The following AFF3 variants were observed in gnomAD, a reference collection of about 807,000 sequenced individuals.
AFF3 encodes the protein AF4/FMR2 family member 3.
Under a neutral mutation model 129.7 loss-of-function variants are expected in AFF3, and 32 were observed. The observed-to-expected ratio is 0.25, with a 90% CI of 0.19 to 0.33. The LOEUF is 0.33. Ranked by LOEUF, AFF3 falls within the 10% of genes least tolerant of loss-of-function variation. The pLI, the probability that AFF3 is intolerant of heterozygous loss-of-function variation, is 1.00. For synonymous variants in AFF3, 644 were observed against 635.4 expected, an observed-to-expected ratio of 1.01 and a Z score of -0.20; for missense variants, 1,373 against 1,592.0, an observed-to-expected ratio of 0.86 and a Z score of 2.34.
chr2:99,686,884 A>G (rs975232509), intron 11 of AFF3, among the ~76,000 whole-genome samples: 2 of 152,238 alleles, frequency 1.3e-5, no homozygotes, highest in African/African-American at 4.8e-5. Flanking sequence ...CTGTTCTGTA[A>G]TAACAGCACA....
chr2:99,927,017 G>A lies in AFF3; in HGVS notation c.873+79615C>T, dbSNP rs1290717954. On this transcript the variant is annotated intron_variant, in intron 7 of 24. Transcript: ENST00000672756. ...ACCAGCAATCTCACACAGGCTCAGG[G>A]CATAAGCTATGTGTAGGGTGGTCCT... is the stretch of plus-strand genomic sequence containing the variant. 2.6e-5 allele frequency among the ~76,000 whole-genome samples: 4 copies of A among 152,070 alleles called. No homozygotes were observed. In the East Asian group the frequency reaches 7.7e-4, roughly 29 times the overall value.
chr2:99,631,092 C>G (rs776028606), intron 13 of AFF3: 38 of 361,920 alleles, frequency 1.0e-4, no homozygotes, highest in Non-Finnish European at 1.6e-4. Flanking sequence ...CAGGCAGGGC[C>G]TGGCTCCTGG....
chr2:99,728,745 G>C (rs1444472672), intron 10 of AFF3, among the ~76,000 whole-genome samples: 1 of 152,180 alleles, frequency 6.6e-6, no homozygotes, highest in Non-Finnish European at 1.5e-5. Context: ...AACAAACATT[G>C]ATTAGGCAGG....
chr2:99,720,237 A>T (rs1294882390), intron 11 of AFF3, among the ~76,000 whole-genome samples: 2 of 152,020 alleles, frequency 1.3e-5, no homozygotes, highest in Non-Finnish European at 2.9e-5. Flanking sequence ...TGGTATTGGG[A>T]GCTGGGGCCC....
At chr2:99,908,918 G>T (rs1392692206) in intron 7 of AFF3, among the ~76,000 whole-genome samples, 1 of 152,144 alleles carries the variant, frequency 6.6e-6, no homozygotes, top group South Asian at 2.1e-4. Context: ...TCGGTGTGGC[G>T]ATTCCTCAGG....
chr2:100,057,320 CAAAAA>C (rs57672976), intron 4 of AFF3, among the ~76,000 whole-genome samples: 2 of 55,056 alleles, frequency 3.6e-5, no homozygotes, highest in African/African-American at 7.1e-5. Flanking sequence ...GACTCTGTCT[CAAAAA>C]AAAAAAAAAA....
chr2:99,696,730 C>T (rs1676314406), intron 11 of AFF3, among the ~76,000 whole-genome samples: 1 of 152,074 alleles, frequency 6.6e-6, no homozygotes, highest in Admixed American at 6.5e-5. Flanking sequence ...ACTGCAGCCT[C>T]AAACTCCTGG....
intron 2 of AFF3, among the ~76,000 whole-genome samples, chr2:100,124,030 CAAAG>C (rs1318448237): frequency 3.3e-5 from 5 of 151,956 alleles, no homozygotes; most frequent in African/African-American, 1.2e-4. Context: ...GAAAAAGAAA[CAAAG>C]AATAAAAGAG....
chr2:99,745,130 T>C (rs1681045845), intron 9 of AFF3, among the ~76,000 whole-genome samples: 1 of 152,244 alleles, frequency 6.6e-6, no homozygotes, highest in Non-Finnish European at 1.5e-5. Flanking sequence ...TAATAACTAA[T>C]GATGTTGAGC....
At chr2:99,811,146 ATTAT>A (rs1686754904) in intron 8 of AFF3, among the ~76,000 whole-genome samples, 1 of 152,182 alleles carries the variant, frequency 6.6e-6, no homozygotes, top group African/African-American at 2.4e-5. Context: ...TCTGGCTGTA[ATTAT>A]TTATCTATTG....
chr2:99,645,886 T>C (rs536637405), intron 13 of AFF3, among the ~76,000 whole-genome samples: 6 of 152,230 alleles, frequency 3.9e-5, no homozygotes, highest in African/African-American at 9.6e-5. Context: ...ACTGGAGAAA[T>C]GGAAAGACAA....
Position 99,896,980 on chromosome 2 carries a change from A to G in AFF3, c.874-59456T>C, listed in dbSNP as rs118154195. Among the ~76,000 whole-genome samples, 307 of 152,250 alleles carry G rather than the reference A, an allele frequency of 2.0e-3. 14 individuals are homozygous for G. In the East Asian group the frequency reaches 0.053, roughly 26 times the overall value. On this transcript the variant is annotated intron_variant, in intron 7 of 24. Coordinates refer to ENST00000672756, the MANE Select transcript of AFF3 (RefSeq NM_001386135.1). Reference sequence around the variant, plus strand: ...GTTCTCTCTCCATCTTCCCAGGTGTACATGAACTGTTTTGCAAGTACACCC... The same window carrying G: ...GTTCTCTCTCCATCTTCCCAGGTGTGCATGAACTGTTTTGCAAGTACACCC...
chr2:99,888,904 G>A (rs1408530795), intron 7 of AFF3, among the ~76,000 whole-genome samples: 4 of 152,054 alleles, frequency 2.6e-5, no homozygotes, highest in Non-Finnish European at 5.9e-5. Flanking sequence ...TTTTCAATGA[G>A]GTTTACATCA....
chr2:99,750,409 TTTTC>T (rs1434629101), intron 9 of AFF3, among the ~76,000 whole-genome samples: 34 of 40,624 alleles, frequency 8.4e-4, no homozygotes, highest in Middle Eastern at 0.012. Context: ...TACTTTTTTT[TTTTC>T]TTTTCTTTTT....
intron 7 of AFF3, among the ~76,000 whole-genome samples, chr2:99,982,477 T>C (rs1321212237): frequency 6.6e-6 from 1 of 152,204 alleles, no homozygotes; most frequent in Non-Finnish European, 1.5e-5. Flanking sequence ...TTGCCCAGTC[T>C]TGGGTATGTC....
intron 7 of AFF3, among the ~76,000 whole-genome samples, chr2:99,856,892 G>A (rs1358980512): frequency 3.3e-5 from 5 of 152,050 alleles, no homozygotes. Context: ...TCTCTAAAAT[G>A]ATGACTCGGC....
intron 13 of AFF3, among the ~76,000 whole-genome samples, chr2:99,645,793 T>C (rs1326491563): frequency 6.6e-6 from 1 of 152,212 alleles, no homozygotes; most frequent in African/African-American, 2.4e-5. Flanking sequence ...TTACAGAAGA[T>C]TCTCTGAACT....
intron 7 of AFF3, among the ~76,000 whole-genome samples, chr2:99,860,532 C>A (rs528264556): frequency 1.3e-5 from 2 of 149,748 alleles, no homozygotes; most frequent in Non-Finnish European, 3.0e-5. Context: ...CCAGCCAGGG[C>A]GACAGAGTGA....
chr2:100,066,687 T>C (rs1687743275), intron 4 of AFF3, among the ~76,000 whole-genome samples: 1 of 152,088 alleles, frequency 6.6e-6, no homozygotes, highest in Admixed American at 6.6e-5. Flanking sequence ...ACAACCTGAG[T>C]AGTGCATCAG....
Sources: gnomAD v4.1 joint callset for allele counts (sites outside exome capture counted in the v4.1 genomes callset) on GRCh38, gnomAD v4.1.1 for gene constraint, MANE v1.5 for transcripts, NCBI Gene and HGNC (gene_info 2026-07-23, HGNC 2026-07-21) for gene names.